The following INPP4B variants were observed in gnomAD, a reference collection of about 807,000 sequenced individuals.
INPP4B encodes inositol polyphosphate-4-phosphatase type II B.
A neutral mutation model predicts 122.5 loss-of-function variants in INPP4B; 55 were observed. That is an observed-to-expected ratio of 0.45 (90% CI 0.36 to 0.56). The LOEUF (loss-of-function observed/expected upper bound fraction) is 0.56. INPP4B is among the 20% of genes least tolerant of loss of function. INPP4B has a pLI of 0.00. For synonymous variants in INPP4B, 403 were observed against 388.7 expected (o/e 1.04, Z -0.43); for missense variants, 1,000 against 1,097.7 (o/e 0.91, Z 1.26).
At chr4:142,822,300 T>A (rs1780884116) in intron 1 of INPP4B, among the ~76,000 whole-genome samples, 1 of 152,152 alleles carries the variant, frequency 6.6e-6, no homozygotes, top group South Asian at 2.1e-4. Context: ...GCTAAGATGA[T>A]CACTCCCATT....
At position 142,082,053 on chromosome 4, in the gene INPP4B, G is replaced by A. The variant is rs2152528285; in HGVS notation, c.2620C>T (p.Arg874Ter). The change falls in exon 25 of 26, where the codon CGA becomes TGA. Residue 874 changes from arginine (R) to a stop codon, truncating the protein, a stop_gained. Coordinates refer to ENST00000262992, the MANE Select transcript of INPP4B (RefSeq NM_001101669.3). LOFTEE classifies it high-confidence loss of function. ...EHQLHKDFFI[R>*]ALDCMRREGC... ...TACCTTCTCATGCAATCCAGCGCTC[G>A]GATAAAGAAGTCCTTGTGTAACTGG... 1 of 1,466,012 alleles carries A rather than the reference G, an allele frequency of 6.8e-7. No individual in the cohort carries two copies. The highest frequency in any genetic ancestry group is 1.8e-4 in the Middle Eastern group (1 of 5,460). 90.8% of individuals were successfully genotyped at this position (1,466,012 alleles called of 1,614,324 possible).
chr4:142,628,327 C>T (rs1303986158), intron 2 of INPP4B, among the ~76,000 whole-genome samples: 11 of 142,452 alleles, frequency 7.7e-5, no homozygotes, highest in Admixed American at 1.4e-4. Context: ...AACTAAACAC[C>T]GCATATTCTC....
At chr4:142,389,726 A>AT (rs1357830158) in intron 7 of INPP4B, among the ~76,000 whole-genome samples, 49 of 152,326 alleles carry the variant, frequency 3.2e-4, no homozygotes, top group Non-Finnish European at 5.3e-4. Flanking sequence ...AACTTATGAG[A>AT]TTTTTTACCA....
chr4:142,233,429 C>T (rs897837145), intron 12 of INPP4B, among the ~76,000 whole-genome samples: 13 of 152,186 alleles, frequency 8.5e-5, no homozygotes, highest in African/African-American at 3.1e-4. Flanking sequence ...GGCACAACTT[C>T]TGTCTTTATG....
intron 1 of INPP4B, among the ~76,000 whole-genome samples, chr4:142,778,739 T>C (rs1774324280): frequency 6.6e-6 from 1 of 152,166 alleles, no homozygotes; most frequent in Admixed American, 6.6e-5. Context: ...CACTACTTTG[T>C]TGAAAATCAT....
intron 23 of INPP4B, among the ~76,000 whole-genome samples, chr4:142,094,739 T>C (rs1026407641): frequency 3.3e-5 from 5 of 152,144 alleles, no homozygotes; most frequent in African/African-American, 9.7e-5. Context: ...GTTGAGAAGA[T>C]TGGGGCTTTT....
intron 3 of INPP4B, among the ~76,000 whole-genome samples, chr4:142,441,297 A>G (rs1811662737): frequency 6.6e-6 from 1 of 152,214 alleles, no homozygotes; most frequent in Non-Finnish European, 1.5e-5. Flanking sequence ...ATTAGAGAAC[A>G]GAATCTAGAT....
intron 2 of INPP4B, among the ~76,000 whole-genome samples, chr4:142,590,751 A>G (rs967459443): frequency 6.6e-6 from 1 of 151,896 alleles, no homozygotes; most frequent in African/African-American, 2.4e-5. Flanking sequence ...ATTACTCTAA[A>G]AACATACATT....
intron 7 of INPP4B, among the ~76,000 whole-genome samples, chr4:142,386,542 G>A (rs1170207661): frequency 6.6e-6 from 1 of 152,178 alleles, no homozygotes; most frequent in Non-Finnish European, 1.5e-5. Context: ...CAACAGCTGA[G>A]TCTTGGCCAA....
At chr4:142,255,404 A>C (rs974226098) in intron 11 of INPP4B, among the ~76,000 whole-genome samples, 2 of 152,160 alleles carry the variant, frequency 1.3e-5, no homozygotes, top group African/African-American at 4.8e-5. Context: ...AAAGACACAC[A>C]CTGGCAAATT....
intron 2 of INPP4B, among the ~76,000 whole-genome samples, chr4:142,630,021 T>G (rs899352934): frequency 6.6e-6 from 1 of 152,114 alleles, no homozygotes; most frequent in Admixed American, 6.6e-5. Flanking sequence ...TTCTTCTTAT[T>G]GGATTTTGAT....
At chr4:142,632,832 T>C (rs1748264394) in intron 2 of INPP4B, among the ~76,000 whole-genome samples, 1 of 151,658 alleles carries the variant, frequency 6.6e-6, no homozygotes, top group Non-Finnish European at 1.5e-5. Flanking sequence ...TAGAAGAATA[T>C]ACAACTTTCA....
intron 15 of INPP4B, among the ~76,000 whole-genome samples, chr4:142,180,830 ATAAT>A (rs1025869082): frequency 6.6e-6 from 1 of 152,218 alleles, no homozygotes; most frequent in African/African-American, 2.4e-5. Flanking sequence ...TATTAAAAAT[ATAAT>A]TAAAGACGTT....
chr4:142,084,370 C>T (rs1049807504), intron 24 of INPP4B, among the ~76,000 whole-genome samples: 16 of 152,216 alleles, frequency 1.1e-4, no homozygotes, highest in Middle Eastern at 3.4e-3. Context: ...CCGCCCGCCT[C>T]GGCCCCCCAA....
At chr4:142,701,015 T>C (rs1279608883) in intron 2 of INPP4B, among the ~76,000 whole-genome samples, 1 of 152,084 alleles carries the variant, frequency 6.6e-6, no homozygotes. Context: ...AGAAAATTTA[T>C]TGGAAAGATA....
chr4:142,119,138 A>G (rs977368657), intron 21 of INPP4B, among the ~76,000 whole-genome samples: 3 of 152,212 alleles, frequency 2.0e-5, no homozygotes, highest in Non-Finnish European at 4.4e-5. Context: ...TTAAAATGTC[A>G]GGAAACAACA....
intron 9 of INPP4B, among the ~76,000 whole-genome samples, chr4:142,293,485 C>T (rs1757311500): frequency 6.6e-6 from 1 of 151,998 alleles, no homozygotes; most frequent in South Asian, 2.1e-4. Flanking sequence ...CATAAACTTG[C>T]CTATTACTTC....
At chr4:142,766,019 A>C (rs1772069677) in intron 1 of INPP4B, 1 of 152,136 alleles carries the variant, frequency 6.6e-6, no homozygotes, top group Admixed American at 6.6e-5. Context: ...GAAAGTAGAG[A>C]TATTGAATCA....
chr4:142,181,320 C>T (rs1431175767), intron 15 of INPP4B, among the ~76,000 whole-genome samples: 5 of 151,940 alleles, frequency 3.3e-5, no homozygotes, highest in South Asian at 2.1e-4. Context: ...ACCTAGTTTC[C>T]GTATTTGCTG....
Sources: allele counts gnomAD v4.1 joint callset (sites outside exome capture counted in the v4.1 genomes callset), GRCh38; gene constraint gnomAD v4.1.1; transcripts MANE v1.5; gene names NCBI Gene and HGNC (gene_info 2026-07-23, HGNC 2026-07-21).